The following CAVIN1 variants were observed in gnomAD, a reference collection of about 807,000 sequenced individuals.
The protein encoded by CAVIN1 is caveolae-associated protein 1.
CAVIN1 carries 16 observed loss-of-function variants against 24.0 expected under a neutral mutation model. The ratio of observed to expected loss-of-function variants is 0.67; its 90% CI spans 0.45 to 1.01. The LOEUF is 1.01. Among genes scored for constraint, CAVIN1 ranks in the 50% least tolerant of loss-of-function variants. CAVIN1 has a pLI of 0.00. For synonymous variants in CAVIN1, 256 were observed against 256.4 expected (o/e 1.00, Z 0.02); for missense variants, 510 against 551.7 (o/e 0.92, Z 0.76).
chr17:42,415,960 A>G (rs905436714), intron 1 of CAVIN1, among the ~76,000 whole-genome samples: 2 of 151,474 alleles, frequency 1.3e-5, no homozygotes, highest in African/African-American at 4.9e-5. Context: ...AAATAAAAAT[A>G]AAAAGGCCGC....
chr17:42,415,283 G>A (rs990077626), intron 1 of CAVIN1, among the ~76,000 whole-genome samples: 6 of 152,200 alleles, frequency 3.9e-5, no homozygotes, highest in Admixed American at 3.9e-4. Context: ...GTACACCTGG[G>A]TTCTGGCTCC....
At chr17:42,416,062 G>A (rs2085509841) in intron 1 of CAVIN1, among the ~76,000 whole-genome samples, 1 of 152,106 alleles carries the variant, frequency 6.6e-6, no homozygotes, top group Non-Finnish European at 1.5e-5. Context: ...AGCAACAGTG[G>A]GGACCCTCTA....
At chr17:42,418,114 A>C (rs2085523009) in intron 1 of CAVIN1, among the ~76,000 whole-genome samples, 1 of 152,082 alleles carries the variant, frequency 6.6e-6, no homozygotes, top group South Asian at 2.1e-4. Flanking sequence ...GCAGTAGGCT[A>C]TACTGTTTAG....
intron 1 of CAVIN1, among the ~76,000 whole-genome samples, chr17:42,417,396 T>C (rs2069811090): frequency 6.7e-6 from 1 of 148,808 alleles, no homozygotes; most frequent in Non-Finnish European, 1.5e-5. Flanking sequence ...GGCAGAGGGG[T>C]TGCAGTGAGC....
chr17:42,402,948 A>AG lies in CAVIN1; in HGVS notation c.*1738dup, dbSNP rs1373474964. 6.6e-6 allele frequency: 1 copy of AG among 152,230 alleles called. No homozygotes were observed. The highest frequency in any genetic ancestry group is 1.5e-5 in the Non-Finnish European group (1 of 68,098). 9.4% of individuals were successfully genotyped at this position (152,230 alleles called of 1,614,324 possible). A position where few individuals can be genotyped will look rare whatever the true frequency, so the allele number is the denominator to read the frequency against. ...TTGAGAACCCAGTCCAAACAGAATC[A>AG]GGCCTCTGGACTGGGAGCAACACTC... On this transcript the variant is annotated 3_prime_UTR_variant, in exon 2 of 2. Coordinates refer to ENST00000357037, the MANE Select transcript of CAVIN1 (RefSeq NM_012232.6).
rs745915522 is a variant in CAVIN1, at chr17:42,423,003, G to A, written c.95C>T (p.Ala32Val). 1.2e-5 allele frequency: 19 copies of A among 1,612,876 alleles called. No homozygotes were observed. The highest frequency in any genetic ancestry group is 6.7e-5 in the African/African-American group (5 of 74,892). ...TGAGCCGGCCCCCGACGGCTCCTCC[G>A]CTGCCTGAGCCCCAGCGGAGGAAGG... is the stretch of plus-strand genomic sequence containing the variant. ...PEPSSAGAQA[A>V]EEPSGAGSEE... Residue 32 changes from alanine to valine, a missense_variant, in exon 1 of 2, where the codon GCG becomes GTG. Coordinates refer to ENST00000357037, the MANE Select transcript of CAVIN1 (RefSeq NM_012232.6).
chr17:42,406,524 G>C (rs889800139), intron 1 of CAVIN1, among the ~76,000 whole-genome samples: 1 of 152,016 alleles, frequency 6.6e-6, no homozygotes, highest in Non-Finnish European at 1.5e-5. Flanking sequence ...GCAGGCATGC[G>C]CCACCACACC....
intron 1 of CAVIN1, chr17:42,411,601 G>A (rs1425717322): frequency 1.0e-6 from 1 of 985,272 alleles, no homozygotes; most frequent in Non-Finnish European, 1.2e-6. Context: ...ACGTGTAAAT[G>A]TTTTCCTCAG....
chr17:42,417,913 G>A (rs1010663657), intron 1 of CAVIN1, among the ~76,000 whole-genome samples: 1 of 152,116 alleles, frequency 6.6e-6, no homozygotes, highest in African/African-American at 2.4e-5. Context: ...ACCTGCCTCG[G>A]CCTCCCAAAG....
intron 1 of CAVIN1, among the ~76,000 whole-genome samples, 160 bp from the exon 2 acceptor site, chr17:42,405,548 G>A (rs2145471940): frequency 6.6e-6 from 1 of 152,188 alleles, no homozygotes; most frequent in South Asian, 2.1e-4. Context: ...GCTCACGCCT[G>A]TAATATTAGC....
At chr17:42,416,593 C>CAAAAA (rs34249867) in intron 1 of CAVIN1, among the ~76,000 whole-genome samples, 1 of 54,438 alleles carries the variant, frequency 1.8e-5, no homozygotes, top group African/African-American at 7.0e-5. Flanking sequence ...GATCCTTTCT[C>CAAAAA]AAAAAAAAAA....
intron 1 of CAVIN1, among the ~76,000 whole-genome samples, chr17:42,406,808 T>C (rs540250347): frequency 2.6e-5 from 4 of 151,416 alleles, no homozygotes; most frequent in African/African-American, 9.7e-5. Context: ...CATTTAGAAA[T>C]TGATATTGGA....
intron 1 of CAVIN1, among the ~76,000 whole-genome samples, chr17:42,419,143 G>T (rs2085529945): frequency 6.6e-6 from 1 of 152,102 alleles, no homozygotes. Context: ...ACTGCAGTAA[G>T]ATATGACTGT....
intron 1 of CAVIN1, among the ~76,000 whole-genome samples, chr17:42,407,362 A>G (rs771907968): frequency 1.3e-5 from 2 of 152,112 alleles, no homozygotes; most frequent in African/African-American, 2.4e-5. Context: ...TTAAGGCAAC[A>G]TAAACTGAGT....
intron 1 of CAVIN1, among the ~76,000 whole-genome samples, chr17:42,413,590 A>AAAAAG (rs2085494511): frequency 7.3e-6 from 1 of 136,500 alleles, no homozygotes; most frequent in Non-Finnish European, 1.6e-5. Flanking sequence ...AAAAAAAAAA[A>AAAAAG]AAAAAAAAAG....
intron 1 of CAVIN1, among the ~76,000 whole-genome samples, chr17:42,407,539 T>C (rs1567777266): frequency 6.6e-6 from 1 of 152,020 alleles, no homozygotes; most frequent in African/African-American, 2.4e-5. Context: ...GAACACCCTC[T>C]CCCAACTTCC....
intron 1 of CAVIN1, among the ~76,000 whole-genome samples, chr17:42,415,823 A>T (rs931174867): frequency 6.6e-6 from 1 of 152,234 alleles, no homozygotes; most frequent in Non-Finnish European, 1.5e-5. Context: ...TTCCAAAAAA[A>T]AATGGCCCAA....
At chr17:42,406,733 C>T (rs1414885876) in intron 1 of CAVIN1, among the ~76,000 whole-genome samples, 1 of 152,062 alleles carries the variant, frequency 6.6e-6, no homozygotes, top group East Asian at 1.9e-4. Flanking sequence ...CCCTCCCCCA[C>T]CTCCACCTTC....
rs1346521487 is a variant in CAVIN1, at chr17:42,402,794, G to T, written c.*1893C>A. 1 of 152,316 alleles carries T rather than the reference G, an allele frequency of 6.6e-6. No homozygotes were observed. Among genetic ancestry groups the T allele is most frequent in the Non-Finnish European group, 1.5e-5 (1 of 68,092 alleles). The allele number at this position is 152,316 out of a possible 1,614,324, so 9.4% of individuals were successfully genotyped here. ...GGCAGAGAAGGTAAGGAGCAGGTGG[G>T]GGGAAGGAGGAAGCTCTCGGGGCCT... On this transcript the variant is annotated 3_prime_UTR_variant, in exon 2 of 2. Coordinates refer to ENST00000357037, the MANE Select transcript of CAVIN1 (RefSeq NM_012232.6).
Sources: gnomAD v4.1 joint callset for allele counts (sites outside exome capture counted in the v4.1 genomes callset) on GRCh38, gnomAD v4.1.1 for gene constraint, MANE v1.5 for transcripts, NCBI Gene and HGNC (gene_info 2026-07-23, HGNC 2026-07-21) for gene names.